The following PRTG variants were observed in gnomAD, a reference collection of about 807,000 sequenced individuals.
PRTG encodes the protein immunoglobulin superfamily, DCC subclass, member 5.
PRTG carries 67 observed loss-of-function variants against 122.5 expected under a neutral mutation model. The observed-to-expected ratio is 0.55, with a 90% CI of 0.45 to 0.67. The LOEUF (loss-of-function observed/expected upper bound fraction) is 0.67. PRTG is among the 30% of genes least tolerant of loss of function. The probability of loss-of-function intolerance (pLI) is 0.00; values close to 1 mark genes in which losing one functional copy is unlikely to be tolerated. For synonymous variants in PRTG, 554 were observed against 501.1 expected, an observed-to-expected ratio of 1.11 and a Z score of -1.41; for missense variants, 1,435 against 1,415.4, an observed-to-expected ratio of 1.01 and a Z score of -0.22.
intron 11 of PRTG, among the ~76,000 whole-genome samples, chr15:55,663,595 G>A (rs750932041): frequency 9.3e-5 from 14 of 151,180 alleles, no homozygotes; most frequent in Admixed American, 6.6e-4. Context: ...TGGCTGGAGT[G>A]CAATGGCGCT....
chr15:55,731,965 C>G (rs2031249241), intron 2 of PRTG, among the ~76,000 whole-genome samples: 2 of 152,194 alleles, frequency 1.3e-5, no homozygotes, highest in African/African-American at 2.4e-5. Context: ...CTACTACACA[C>G]CTCAGCTATA....
intron 8 of PRTG, among the ~76,000 whole-genome samples, chr15:55,676,272 GT>G (rs5812809): frequency 0.2 from 30,040 of 147,652 alleles, 4,257 homozygotes; most frequent in East Asian, 0.4. Flanking sequence ...CCCACAGTGA[GT>G]TTTTTTTTTT....
intron 4 of PRTG, among the ~76,000 whole-genome samples, 196 bp downstream of exon 4, chr15:55,682,168 A>C (rs1329116439): frequency 1.3e-5 from 2 of 152,202 alleles, no homozygotes; most frequent in Non-Finnish European, 2.9e-5. Flanking sequence ...AATATTTCTT[A>C]AAGACATTGA....
In PRTG at chr15:55,618,058, A is replaced by G. The variant is rs778255157; in HGVS notation, c.*1954T>C. 2.6e-5 allele frequency: 4 copies of G among 152,230 alleles called. No homozygotes were observed. The highest frequency in any genetic ancestry group is 2.9e-5 in the Non-Finnish European group (2 of 68,044). 9.4% of individuals were successfully genotyped at this position (152,230 alleles called of 1,614,324 possible). On this transcript the variant is annotated 3_prime_UTR_variant, in exon 20 of 20. Transcript: ENST00000389286. ...AAACAGGAGCTATAAAGGCAGGAGC[A>G]GCATTTTTCCTTGCTGCAGACTGTT...
intron 11 of PRTG, among the ~76,000 whole-genome samples, chr15:55,643,237 T>G (rs1375295216): frequency 1.3e-5 from 2 of 152,176 alleles, no homozygotes; most frequent in African/African-American, 4.8e-5. Flanking sequence ...ATTTGTCTTT[T>G]CAAAAAACCA....
chr15:55,738,017 T>A (rs1195880423), intron 2 of PRTG, among the ~76,000 whole-genome samples: 1 of 114,826 alleles, frequency 8.7e-6, no homozygotes, highest in East Asian at 2.1e-4. Flanking sequence ...TATATATATA[T>A]ATATATATAC....
At chr15:55,663,819 G>A (rs2059423151) in intron 11 of PRTG, among the ~76,000 whole-genome samples, 1 of 152,168 alleles carries the variant, frequency 6.6e-6, no homozygotes, top group Non-Finnish European at 1.5e-5. Flanking sequence ...TGGGATTACA[G>A]GCGTGAGCTA....
chr15:55,683,973 A>G lies in PRTG; in HGVS notation c.398-42T>C, dbSNP rs777831299. The stretch of plus-strand genomic sequence containing the variant: ...GAGAAATTCAGAATAAGTGCATGAA[A>G]ATAACACTTAGAAGTAACATTACAC... On this transcript the variant is annotated intron_variant, in intron 2 of 19. Coordinates refer to ENST00000389286, the MANE Select transcript of PRTG (RefSeq NM_173814.6). 4.5e-6 allele frequency: 7 copies of G among 1,550,334 alleles called. No individual in the cohort carries two copies. In the Admixed American group the frequency reaches 1.0e-4, roughly 23 times the overall value.
chr15:55,613,537 T>A lies in PRTG; in HGVS notation c.*6475A>T, dbSNP rs1671511216. On this transcript the variant is annotated 3_prime_UTR_variant, in exon 20 of 20. Coordinates refer to ENST00000389286, the MANE Select transcript of PRTG (RefSeq NM_173814.6). ...AATTTTAGCTGAGATAAATGGAAGG[T>A]TTTGGAGGAGAGAAATTAGGAGATG... 1 of 151,826 alleles carries A rather than the reference T, an allele frequency of 6.6e-6. No individual in the cohort carries two copies. Among genetic ancestry groups the A allele is most frequent in the Non-Finnish European group, 1.5e-5 (1 of 67,902 alleles). The allele number at this position is 151,826 out of a possible 1,614,324, so 9.4% of individuals were successfully genotyped here.
chr15:55,660,283 A>G (rs996523286), intron 11 of PRTG, among the ~76,000 whole-genome samples: 2 of 152,326 alleles, frequency 1.3e-5, no homozygotes, highest in African/African-American at 4.8e-5. Flanking sequence ...AAAAACCACA[A>G]GTGTAATTAC....
chr15:55,729,157 G>A (rs2031143572), intron 2 of PRTG, among the ~76,000 whole-genome samples: 1 of 152,046 alleles, frequency 6.6e-6, no homozygotes, highest in Non-Finnish European at 1.5e-5. Flanking sequence ...ACAAAACATG[G>A]TCTATCCACA....
intron 11 of PRTG, among the ~76,000 whole-genome samples, chr15:55,670,728 C>G (rs2059464683): frequency 6.6e-6 from 1 of 152,040 alleles, no homozygotes; most frequent in African/African-American, 2.4e-5. Flanking sequence ...TGGAGAAACC[C>G]CCGTCTCTGC....
intron 2 of PRTG, among the ~76,000 whole-genome samples, chr15:55,717,790 T>C (rs1351509990): frequency 1.3e-5 from 2 of 152,244 alleles, no homozygotes; most frequent in Admixed American, 1.3e-4. Flanking sequence ...TTTAAATTTT[T>C]CTTTAAAAAA....
At chr15:55,657,303 G>C (rs984698508) in intron 11 of PRTG, among the ~76,000 whole-genome samples, 2 of 152,074 alleles carry the variant, frequency 1.3e-5, no homozygotes, top group African/African-American at 4.8e-5. Flanking sequence ...TTTCTTCTGA[G>C]ACTAAAGGTC....
intron 15 of PRTG, among the ~76,000 whole-genome samples, chr15:55,629,342 C>T (rs1025123628): frequency 7.0e-6 from 1 of 142,528 alleles, no homozygotes; most frequent in Non-Finnish European, 1.5e-5. Context: ...AAACAGTACA[C>T]ATTTTTGTTT....
chr15:55,698,854 G>C (rs1480975192), intron 2 of PRTG, among the ~76,000 whole-genome samples: 1 of 152,144 alleles, frequency 6.6e-6, no homozygotes, highest in East Asian at 1.9e-4. Context: ...AGTACAGAGA[G>C]GGATGGGGAG....
intron 2 of PRTG, among the ~76,000 whole-genome samples, chr15:55,726,259 T>C (rs1021523751): frequency 6.6e-6 from 1 of 152,048 alleles, no homozygotes; most frequent in African/African-American, 2.4e-5. Context: ...CTATTTTTCA[T>C]AGAGATGGGG....
intron 4 of PRTG, among the ~76,000 whole-genome samples, chr15:55,681,846 C>T (rs897558915): frequency 1.8e-4 from 27 of 151,952 alleles, no homozygotes; most frequent in East Asian, 7.7e-4. Flanking sequence ...CTTTTAAAAA[C>T]GAAAGTGAAA....
chr15:55,667,217 AAAAAAC>A (rs1567090493), intron 11 of PRTG, among the ~76,000 whole-genome samples: 1 of 152,066 alleles, frequency 6.6e-6, no homozygotes, highest in African/African-American at 2.4e-5. Context: ...GAAAAAAAAA[AAAAAAC>A]AGATAATGCA....
Sources: gnomAD v4.1 joint callset for allele counts (sites outside exome capture counted in the v4.1 genomes callset) on GRCh38, gnomAD v4.1.1 for gene constraint, MANE v1.5 for transcripts, NCBI Gene and HGNC (gene_info 2026-07-23, HGNC 2026-07-21) for gene names.